SLAMF1: variants seen among roughly 807,000 people sequenced by gnomAD.
The protein encoded by SLAMF1 is signaling lymphocytic activation molecule.
A neutral mutation model predicts 35.1 loss-of-function variants in SLAMF1; 18 were observed. The ratio of observed to expected loss-of-function variants is 0.51; its 90% CI spans 0.35 to 0.76. The LOEUF is 0.76. SLAMF1 is among the 30% of genes least tolerant of loss of function. The pLI is 0.01. For synonymous variants in SLAMF1, 168 were observed against 157.2 expected (o/e 1.07, Z -0.51); for missense variants, 392 against 413.0 (o/e 0.95, Z 0.44).
intron 1 of SLAMF1, among the ~76,000 whole-genome samples, 175 bp downstream of exon 1, chr1:160,646,695 A>G (rs1661055070): frequency 6.6e-6 from 1 of 152,230 alleles, no homozygotes; most frequent in Admixed American, 6.5e-5. Context: ...CCAAGGGCCC[A>G]GGAACTTATA....
chr1:160,626,155 A>T (rs1659868006), intron 3 of SLAMF1, among the ~76,000 whole-genome samples: 1 of 152,108 alleles, frequency 6.6e-6, no homozygotes, highest in African/African-American at 2.4e-5. Context: ...TTTCTTTCCA[A>T]TTTCACTTGA....
chr1:160,624,994 A>G (rs1383133939), intron 3 of SLAMF1, among the ~76,000 whole-genome samples: 1 of 152,220 alleles, frequency 6.6e-6, no homozygotes, highest in Non-Finnish European at 1.5e-5. Context: ...CATGTGTACT[A>G]ACATATTTAA....
At chr1:160,623,921 C>T (rs1191068891) in intron 4 of SLAMF1, among the ~76,000 whole-genome samples, 175 bp downstream of exon 4, 1 of 152,104 alleles carries the variant, frequency 6.6e-6, no homozygotes, top group Admixed American at 6.5e-5. Flanking sequence ...GGGATCAAGA[C>T]ATGTTGAATT....
chr1:160,630,853 C>T (rs1405328550), intron 3 of SLAMF1, among the ~76,000 whole-genome samples: 2 of 152,172 alleles, frequency 1.3e-5, no homozygotes, highest in African/African-American at 4.8e-5. Context: ...TCTGCTCCTC[C>T]CTCTGCCTGG....
At chr1:160,632,921 A>T (rs1043015788) in intron 3 of SLAMF1, among the ~76,000 whole-genome samples, 1 of 152,194 alleles carries the variant, frequency 6.6e-6, no homozygotes, top group Non-Finnish European at 1.5e-5. Flanking sequence ...TAACCATGTT[A>T]TAGCTTTGTT....
chr1:160,635,667 G>A (rs1310422674), intron 2 of SLAMF1, among the ~76,000 whole-genome samples: 1 of 150,990 alleles, frequency 6.6e-6, no homozygotes, highest in Non-Finnish European at 1.5e-5. Flanking sequence ...CACCTCCTGG[G>A]TTCACGCCAT....
chr1:160,619,219 C>T (rs1276289857), intron 5 of SLAMF1, among the ~76,000 whole-genome samples: 1 of 152,198 alleles, frequency 6.6e-6, no homozygotes, highest in Admixed American at 6.5e-5. Context: ...ATATCTGCTT[C>T]TCAACTTCAC....
intron 2 of SLAMF1, among the ~76,000 whole-genome samples, chr1:160,635,157 C>A (rs1660371343): frequency 6.6e-6 from 1 of 152,302 alleles, no homozygotes; most frequent in African/African-American, 2.4e-5. Context: ...CTCCACTCGC[C>A]CTTCCTGATG....
intron 3 of SLAMF1, 159 bp downstream of exon 3, chr1:160,634,454 T>C: frequency 2.1e-6 from 2 of 955,472 alleles, no homozygotes; most frequent in Non-Finnish European, 2.5e-6. Context: ...AATATGAGAG[T>C]GAGCTCACTA....
chr1:160,631,821 C>T (rs6427539), intron 3 of SLAMF1, among the ~76,000 whole-genome samples: 134,957 of 152,122 alleles, frequency 0.89, 59,878 homozygotes, highest in South Asian at 0.93. Flanking sequence ...CCTCCAGAAC[C>T]AGGAGAAAAA....
At chr1:160,635,442 A>G (rs1660396695) in intron 2 of SLAMF1, among the ~76,000 whole-genome samples, 1 of 152,210 alleles carries the variant, frequency 6.6e-6, no homozygotes, top group South Asian at 2.1e-4. Flanking sequence ...TAGGTCCTCA[A>G]TTATAACCAT....
chr1:160,641,530 GGAGGGGTAGATGAGA>G (rs1428482706), intron 1 of SLAMF1, among the ~76,000 whole-genome samples: 1 of 152,048 alleles, frequency 6.6e-6, no homozygotes, highest in Non-Finnish European at 1.5e-5. Context: ...AGAGGAAAAG[GGAGGGGTAGATGAGA>G]GAGGCTGAGT....
chr1:160,632,385 C>T (rs1660209958), intron 3 of SLAMF1, among the ~76,000 whole-genome samples: 1 of 152,090 alleles, frequency 6.6e-6, no homozygotes, highest in Non-Finnish European at 1.5e-5. Flanking sequence ...TCCTGTGGTG[C>T]CAGGTTTCTA....
chr1:160,621,979 C>T (rs1659638536), intron 4 of SLAMF1, among the ~76,000 whole-genome samples: 1 of 151,900 alleles, frequency 6.6e-6, no homozygotes, highest in Non-Finnish European at 1.5e-5. Flanking sequence ...GACATGCCTG[C>T]CCAGCACTCT....
At chr1:160,635,769 T>C (rs531190552) in intron 2 of SLAMF1, among the ~76,000 whole-genome samples, 4 of 150,814 alleles carry the variant, frequency 2.7e-5, no homozygotes, top group Admixed American at 2.0e-4. Flanking sequence ...TTAGTAGAGA[T>C]GGGGTTTCAC....
intron 1 of SLAMF1, 141 bp downstream of exon 1, chr1:160,646,729 G>C: frequency 1.7e-6 from 1 of 597,592 alleles, no homozygotes; most frequent in Admixed American, 2.4e-5. Flanking sequence ...TTTGAAAGAG[G>C]CAGTTGAAAC....
chr1:160,610,722 G>A lies in SLAMF1; in HGVS notation c.*26C>T. 1 of 1,592,696 alleles carries A rather than the reference G, an allele frequency of 6.3e-7. No individual in the cohort carries two copies. Among genetic ancestry groups the A allele is most frequent in the Non-Finnish European group, 8.6e-7 (1 of 1,161,246 alleles). On this transcript the variant is annotated 3_prime_UTR_variant, in exon 7 of 7. Coordinates refer to ENST00000302035, the MANE Select transcript of SLAMF1 (RefSeq NM_003037.5). ...ATTTTGGTTTTTCCATTTTCCTTCA[G>A]AAAGTCCCTTTGTTGGTCTCTGGTG...
At position 160,634,616 on chromosome 1, in the gene SLAMF1, A is replaced by AG. The variant is rs1660331359; in HGVS notation, c.696dup (p.Ser233LeufsTer33). The AG allele has an allele frequency of 1.2e-6, 2 of 1,600,132 alleles. No individual in the cohort carries two copies. The highest frequency in any genetic ancestry group is 1.7e-5 in the Admixed American group (1 of 59,454). On this transcript the variant is annotated frameshift_variant, in exon 3 of 7. Coordinates refer to ENST00000302035, the MANE Select transcript of SLAMF1 (RefSeq NM_003037.5). LOFTEE classifies it high-confidence loss of function. Reference sequence around the variant, plus strand: ...AGGCTGCCACCAGTGTACTCACCTGAGGGGTCTGTCCTGCATCCGGGCCAC... The same window carrying AG: ...AGGCTGCCACCAGTGTACTCACCTGAGGGGGTCTGTCCTGCATCCGGGCCAC...
chr1:160,637,487 C>G lies in SLAMF1; in HGVS notation c.119G>C (p.Gly40Ala). ...MNCPKILRQL[G>A]SKVLLPLTYE... Reference sequence around the variant, plus strand: ...TGTCAGGGGCAGCAGCACTTTGCTTCCCAACTGCCGGAGAATCTTTGGGCA... The same window carrying G: ...TGTCAGGGGCAGCAGCACTTTGCTTGCCAACTGCCGGAGAATCTTTGGGCA... The change falls in exon 2 of 7, where the codon GGA becomes GCA. Residue 40 changes from glycine (G) to alanine (A), a missense_variant. Transcript: ENST00000302035. 6.2e-7 allele frequency: 1 copy of G among 1,613,128 alleles called. No individual in the cohort carries two copies. The highest frequency in any genetic ancestry group is 1.3e-5 in the African/African-American group (1 of 75,028).
Sources: allele counts gnomAD v4.1 joint callset (sites outside exome capture counted in the v4.1 genomes callset), GRCh38; gene constraint gnomAD v4.1.1; transcripts MANE v1.5; gene names NCBI Gene and HGNC (gene_info 2026-07-23, HGNC 2026-07-21).